Variants in PFKFB3 observed in about 807,000 individuals in gnomAD.
PFKFB3 encodes 6-phosphofructo-2-kinase/fructose-2,6-bisphosphatase 3.
PFKFB3 carries 33 observed loss-of-function variants against 68.0 expected under a neutral mutation model. The ratio of observed to expected loss-of-function variants is 0.49; its 90% CI spans 0.37 to 0.65. The LOEUF (loss-of-function observed/expected upper bound fraction) is 0.65, where lower values mean the gene tolerates loss of function less well. PFKFB3 is among the 30% of genes least tolerant of loss of function. The pLI, the probability that PFKFB3 is intolerant of heterozygous loss-of-function variation, is 0.00. For missense variants in PFKFB3, 586 were observed against 712.2 expected, an observed-to-expected ratio of 0.82 and a Z score of 2.02; for synonymous variants, 315 against 288.2, an observed-to-expected ratio of 1.09 and a Z score of -0.94.
At chr10:6,173,941 A>AGTGAGGGCCTGTGGTCCAG (rs146535107) in intron 1 of PFKFB3, among the ~76,000 whole-genome samples, 2 of 152,060 alleles carry the variant, frequency 1.3e-5, no homozygotes, top group East Asian at 3.9e-4. Context: ...AGAGATGGGG[A>AGTGAGGGCCTGTGGTCCAG]GTGAGGGCCT....
chr10:6,146,172 G>T, intron 1 of PFKFB3: 1 of 1,359,342 alleles, frequency 7.4e-7, no homozygotes, highest in Non-Finnish European at 9.6e-7. Flanking sequence ...CCTGGCACTG[G>T]GCCTGTGCTG....
At chr10:6,275,031 A>G in the PFKFB3 span, among the ~76,000 whole-genome samples, 2 of 152,006 alleles carry the variant, frequency 1.3e-5, no homozygotes, top group African/African-American at 4.8e-5. The surrounding 1 kb of genome is among the most constrained non-coding windows in gnomAD (Gnocchi z 4.9). Flanking sequence ...CTTGAATTTG[A>G]TCTGTTCCTG....
At chr10:6,295,023 T>G in the PFKFB3 span, among the ~76,000 whole-genome samples, 1 of 151,924 alleles carries the variant, frequency 6.6e-6, no homozygotes, top group South Asian at 2.1e-4. Flanking sequence ...AAGTCAGATA[T>G]GATGTATTGG....
chr10:6,166,839 T>A (rs1376900027), intron 1 of PFKFB3, among the ~76,000 whole-genome samples: 13 of 144,364 alleles, frequency 9.0e-5, no homozygotes, highest in African/African-American at 1.5e-4. Context: ...TTTTTTTTTT[T>A]TTTATTTGAG....
intron 1 of PFKFB3, among the ~76,000 whole-genome samples, chr10:6,210,995 A>T (rs1026485840): frequency 6.6e-6 from 1 of 151,562 alleles, no homozygotes; most frequent in African/African-American, 2.4e-5. Flanking sequence ...GGCGTGAGCC[A>T]CCGTGCCCGG....
intron 1 of PFKFB3, among the ~76,000 whole-genome samples, chr10:6,153,627 G>T (rs1426617924): frequency 6.6e-6 from 1 of 152,208 alleles, no homozygotes; most frequent in African/African-American, 2.4e-5. Context: ...GCCGAGGCAG[G>T]CGGATCAGTT....
intron 1 of PFKFB3, chr10:6,145,042 C>A: frequency 1.5e-6 from 2 of 1,318,678 alleles, no homozygotes; most frequent in South Asian, 4.0e-5. Flanking sequence ...CGGCCCACGC[C>A]CCCAGCGCGC....
At chr10:6,297,690 T>C in the PFKFB3 span, among the ~76,000 whole-genome samples, 18 of 152,128 alleles carry the variant, frequency 1.2e-4, no homozygotes, top group African/African-American at 4.1e-4. Flanking sequence ...GCTGGAAGCT[T>C]CTTGTCATGG....
intron 14 of PFKFB3, among the ~76,000 whole-genome samples, chr10:6,253,276 C>T (rs1846419279): frequency 6.6e-6 from 1 of 152,326 alleles, no homozygotes; most frequent in South Asian, 2.1e-4. Flanking sequence ...AATTAAAAAT[C>T]ATAAAATCGT....
At chr10:6,172,417 C>G (rs1842341753) in intron 1 of PFKFB3, among the ~76,000 whole-genome samples, 1 of 152,238 alleles carries the variant, frequency 6.6e-6, no homozygotes, top group Non-Finnish European at 1.5e-5. Flanking sequence ...ATACTTGTCA[C>G]TCGGTGACAC....
intron 1 of PFKFB3, among the ~76,000 whole-genome samples, chr10:6,181,206 A>T (rs1038079355): frequency 1.1e-4 from 17 of 151,432 alleles, no homozygotes; most frequent in African/African-American, 4.1e-4. Flanking sequence ...TGTTTTGTAG[A>T]GATAAAGTCT....
intron 13 of PFKFB3, chr10:6,224,600 CCTCCCGCGT>C: frequency 2.4e-6 from 1 of 408,436 alleles, no homozygotes; most frequent in South Asian, 1.8e-5. Context: ...CCCGCCTCAG[CCTCCCGCGT>C]AGCTGAGACT....
chr10:6,221,615 CCT>C (rs1844965886), intron 9 of PFKFB3, 24 bp from the exon 10 acceptor site: 3 of 1,609,056 alleles, frequency 1.9e-6, no homozygotes, highest in Middle Eastern at 1.6e-4. Flanking sequence ...GGTTTGTTCC[CCT>C]GAGTGACCAC....
chr10:6,245,263 A>G (rs1564233246), intron 14 of PFKFB3, among the ~76,000 whole-genome samples: 2 of 151,748 alleles, frequency 1.3e-5, no homozygotes, highest in Non-Finnish European at 2.9e-5. Flanking sequence ...TGCCTGGCTA[A>G]TTTTTATATT....
In PFKFB3 at chr10:6,175,362, A is replaced by G. The variant is rs80328878; in HGVS notation, c.16+30349A>G. Among the ~76,000 whole-genome samples, 1,304 of 152,252 alleles carry G rather than the reference A, an allele frequency of 8.6e-3. 31 individuals are homozygous for G. The highest frequency in any genetic ancestry group is 0.03 in the African/African-American group (1,237 of 41,550). ...ACACAGAGTGTTGGCAATAACAGTAAATATCCTGAGGTGGGGAGCACTTGG... is the reference window on the plus strand; with the variant it reads ...ACACAGAGTGTTGGCAATAACAGTAGATATCCTGAGGTGGGGAGCACTTGG... On this transcript the variant is annotated intron_variant, in intron 1 of 14. Coordinates refer to the PFKFB3 transcript ENST00000379789.
the PFKFB3 span, among the ~76,000 whole-genome samples, chr10:6,289,444 C>G: frequency 6.6e-6 from 1 of 152,100 alleles, no homozygotes; most frequent in African/African-American, 2.4e-5. Context: ...TTTCCCAGCA[C>G]CATTTATTAA....
chr10:6,309,450 C>T, the PFKFB3 span, among the ~76,000 whole-genome samples: 2,527 of 152,120 alleles, frequency 0.017, 35 homozygotes, highest in Non-Finnish European at 0.025. Context: ...GGCGAAACCC[C>T]GGCTCTACTA....
At chr10:6,326,264 C>T in the PFKFB3 span, among the ~76,000 whole-genome samples, 1 of 152,098 alleles carries the variant, frequency 6.6e-6, no homozygotes, top group Non-Finnish European at 1.5e-5. Context: ...AGGGGAACAT[C>T]ACACACTGGG....
downstream of PFKFB3, among the ~76,000 whole-genome samples, chr10:6,256,447 G>T (rs1846497489): frequency 6.6e-6 from 1 of 152,170 alleles, no homozygotes; most frequent in South Asian, 2.1e-4. Flanking sequence ...AGGGGACGAG[G>T]CTCTACATGG....
Sources: gnomAD v4.1 joint callset for allele counts (sites outside exome capture counted in the v4.1 genomes callset) on GRCh38, gnomAD v4.1.1 for gene constraint, Gnocchi (gnomAD v3.1) non-coding constraint, MANE v1.5 for transcripts, NCBI Gene and HGNC (gene_info 2026-07-23, HGNC 2026-07-21) for gene names.